Variants in PPP1R16B observed in about 807,000 individuals in gnomAD.
PPP1R16B encodes protein phosphatase 1 regulatory subunit 16B.
A neutral mutation model predicts 61.7 loss-of-function variants in PPP1R16B; 14 were observed. The ratio of observed to expected loss-of-function variants is 0.23; its 90% confidence interval spans 0.15 to 0.35. The LOEUF (loss-of-function observed/expected upper bound fraction) is 0.35. Ranked by LOEUF, PPP1R16B falls within the 10% of genes least tolerant of loss-of-function variation. The probability of loss-of-function intolerance (pLI) is 1.00; values close to 1 mark genes in which losing one functional copy is unlikely to be tolerated. For missense variants in PPP1R16B, 547 were observed against 752.5 expected, an observed-to-expected ratio of 0.73 and a Z score of 3.19; for synonymous variants, 266 against 305.3, an observed-to-expected ratio of 0.87 and a Z score of 1.34.
chr20:38,838,871 G>A (rs992856745), intron 2 of PPP1R16B, among the ~76,000 whole-genome samples: 1 of 152,154 alleles, frequency 6.6e-6, no homozygotes, highest in Non-Finnish European at 1.5e-5. Context: ...GTGCCCCGCA[G>A]CCCTGCCTGT....
chr20:38,904,185 C>T (rs761634104), intron 6 of PPP1R16B, among the ~76,000 whole-genome samples: 1 of 152,228 alleles, frequency 6.6e-6, no homozygotes, highest in African/African-American at 2.4e-5. Flanking sequence ...GGAAGTCTGA[C>T]TATTTCTGTC....
chr20:38,808,982 G>A lies in PPP1R16B; in HGVS notation c.-102+3190G>A, dbSNP rs893546650. Among the ~76,000 whole-genome samples, 2 of 151,796 alleles carry A rather than the reference G, an allele frequency of 1.3e-5. 1 individual carries two copies. Among genetic ancestry groups the A allele is most frequent in the South Asian group, 4.2e-4 (2 of 4,810 alleles). The stretch of plus-strand genomic sequence containing the variant: ...CGGGAGCAGGAGGTTGCAATGAGCC[G>A]AGATCACATGACTGCACTCCAGCCT... On this transcript the variant is annotated intron_variant, in intron 1 of 10. Coordinates refer to ENST00000299824, the MANE Select transcript of PPP1R16B (RefSeq NM_015568.4).
intron 2 of PPP1R16B, among the ~76,000 whole-genome samples, chr20:38,854,257 C>G (rs917612931): frequency 2.0e-5 from 3 of 152,202 alleles, no homozygotes; most frequent in Admixed American, 2.0e-4. Context: ...GGCATTGACT[C>G]TAAAACCATG....
intron 1 of PPP1R16B, among the ~76,000 whole-genome samples, chr20:38,820,793 G>A (rs1157651819): frequency 6.6e-6 from 1 of 151,972 alleles, no homozygotes; most frequent in Non-Finnish European, 1.5e-5. Context: ...AGCATTTTGG[G>A]AGGCCGAGGT....
intron 7 of PPP1R16B, 97 bp downstream of exon 7, chr20:38,906,191 G>C (rs773451691): frequency 7.4e-7 from 1 of 1,344,938 alleles, no homozygotes; most frequent in African/African-American, 1.5e-5. Context: ...AAGAACATAA[G>C]ACTTTAAGGC....
intron 3 of PPP1R16B, among the ~76,000 whole-genome samples, chr20:38,893,433 C>T (rs2085306366): frequency 6.6e-6 from 1 of 152,086 alleles, no homozygotes; most frequent in East Asian, 1.9e-4. Flanking sequence ...AAGAAGCTCT[C>T]TCTGGTCGAG....
In PPP1R16B at chr20:38,918,460, A is replaced by G; in HGVS notation, c.1498A>G (p.Thr500Ala). Residue 500 changes from threonine (T) to alanine (A), a missense_variant, in exon 11 of 11, where the codon ACA becomes GCA. Coordinates refer to ENST00000299824, the MANE Select transcript of PPP1R16B (RefSeq NM_015568.4). The surrounding 1 kb of genome is among the most constrained non-coding windows in gnomAD (Gnocchi z 5.3). ...AKLLSHPFLS[T>A]HLGSSMARTG... ...GCTGCTCAGCCACCCCTTCCTTAGCACACACCTGGGCAGCAGCATGGCCAG... is the reference window on the plus strand; with the variant it reads ...GCTGCTCAGCCACCCCTTCCTTAGCGCACACCTGGGCAGCAGCATGGCCAG... The G allele has an allele frequency of 6.2e-7, 1 of 1,614,122 alleles. No individual in the cohort carries two copies. The highest frequency in any genetic ancestry group is 8.5e-7 in the Non-Finnish European group (1 of 1,179,996).
intron 2 of PPP1R16B, among the ~76,000 whole-genome samples, chr20:38,866,800 T>A (rs2085093685): frequency 6.6e-6 from 1 of 152,230 alleles, no homozygotes. Flanking sequence ...CATTTAAAAG[T>A]GTACAATTTA....
chr20:38,916,007 A>G (rs2085534778), intron 10 of PPP1R16B, among the ~76,000 whole-genome samples: 1 of 150,926 alleles, frequency 6.6e-6, no homozygotes, highest in Admixed American at 6.6e-5. Context: ...GACTAGGACC[A>G]CCAAGAAACG....
At chr20:38,874,699 G>A (rs911108516) in intron 2 of PPP1R16B, among the ~76,000 whole-genome samples, 2 of 152,186 alleles carry the variant, frequency 1.3e-5, no homozygotes, top group Admixed American at 1.3e-4. Context: ...GAAACAGGAA[G>A]GCTTTGGGCT....
chr20:38,876,141 T>A (rs1334316040), intron 2 of PPP1R16B, among the ~76,000 whole-genome samples: 1 of 152,006 alleles, frequency 6.6e-6, no homozygotes, highest in East Asian at 1.9e-4. Flanking sequence ...CCCAGCTAAA[T>A]TTTTGTATTT....
intron 1 of PPP1R16B, among the ~76,000 whole-genome samples, chr20:38,816,701 C>T (rs1265712224): frequency 2.6e-5 from 4 of 152,264 alleles, no homozygotes; most frequent in South Asian, 2.1e-4. Flanking sequence ...ACTGAATCAG[C>T]GCTGTGGAAT....
chr20:38,877,908 C>T (rs77654235), intron 2 of PPP1R16B, among the ~76,000 whole-genome samples: 1,654 of 145,804 alleles, frequency 0.011, 36 homozygotes, highest in East Asian at 0.11. Context: ...TTTTAGTCTC[C>T]GTTATTTTGT....
At chr20:38,913,097 CT>C (rs1178968398) in intron 10 of PPP1R16B, among the ~76,000 whole-genome samples, 2 of 150,388 alleles carry the variant, frequency 1.3e-5, no homozygotes, top group African/African-American at 4.9e-5. Context: ...TCTCGAACTC[CT>C]GACCTTAAGT....
At position 38,868,304 on chromosome 20, in the gene PPP1R16B, T is replaced by C. The variant is rs540103857; in HGVS notation, c.251-21291T>C. 1.9e-3 allele frequency among the ~76,000 whole-genome samples: 286 copies of C among 152,220 alleles called. 1 individual carries two copies. The highest frequency in any genetic ancestry group is 6.3e-3 in the African/African-American group (260 of 41,534). On this transcript the variant is annotated intron_variant, in intron 2 of 10. Transcript: ENST00000299824. ...GAGCTAAGCTCATGCCTTTTTACTT[T>C]GAGATAATTATAGATTTACATGCAG...
intron 1 of PPP1R16B, among the ~76,000 whole-genome samples, chr20:38,808,583 A>G (rs1013273680): frequency 2.0e-5 from 3 of 147,438 alleles, no homozygotes; most frequent in Non-Finnish European, 4.5e-5. Context: ...AGAGAGGTCT[A>G]ATTTTAATTA....
At chr20:38,826,365 G>A (rs890603935) in intron 1 of PPP1R16B, among the ~76,000 whole-genome samples, 2 of 152,178 alleles carry the variant, frequency 1.3e-5, no homozygotes, top group African/African-American at 4.8e-5. Flanking sequence ...TAGACATCAT[G>A]TTAGCTTTGT....
chr20:38,835,800 A>T, intron 1 of PPP1R16B, 25 bp from the exon 2 acceptor site: 2 of 1,165,234 alleles, frequency 1.7e-6, no homozygotes, highest in Non-Finnish European at 2.3e-6. Context: ...ACATGTGTTC[A>T]TCTGTGTCTC....
chr20:38,854,875 C>G (rs1011898957), intron 2 of PPP1R16B, among the ~76,000 whole-genome samples: 2 of 152,236 alleles, frequency 1.3e-5, no homozygotes, highest in Non-Finnish European at 2.9e-5. Context: ...AATTCTTCTG[C>G]TCCCCACATT....
Sources: allele counts gnomAD v4.1 joint callset (sites outside exome capture counted in the v4.1 genomes callset), GRCh38; gene constraint gnomAD v4.1.1; non-coding constraint Gnocchi (gnomAD v3.1); transcripts MANE v1.5; gene names NCBI Gene and HGNC (gene_info 2026-07-23, HGNC 2026-07-21).